RTTN: variants seen among roughly 807,000 people sequenced by gnomAD.
The protein encoded by RTTN is rotatin.
A neutral mutation model predicts 269.2 loss-of-function variants in RTTN; 182 were observed. The observed-to-expected ratio is 0.68, with a 90% CI of 0.60 to 0.76. The LOEUF is 0.76. Among genes scored for constraint, RTTN ranks in the 30% least tolerant of loss-of-function variants. RTTN has a pLI of 0.00. For synonymous variants in RTTN, 1,006 were observed against 963.5 expected, an observed-to-expected ratio of 1.04 and a Z score of -0.82; for missense variants, 2,545 against 2,608.6, an observed-to-expected ratio of 0.98 and a Z score of 0.53.
chr18:70,163,773 CT>C (rs1248903277), intron 14 of RTTN, among the ~76,000 whole-genome samples: 1 of 152,104 alleles, frequency 6.6e-6, no homozygotes, highest in Admixed American at 6.5e-5. Flanking sequence ...CGTGCATTTC[CT>C]TTAAGTGTCA....
At chr18:70,030,261 G>C (rs993218348) in intron 41 of RTTN, 152 bp from the exon 42 acceptor site, 37 of 566,208 alleles carry the variant, frequency 6.5e-5, no homozygotes, top group Non-Finnish European at 1.0e-4. Flanking sequence ...TGAATCAGAG[G>C]GGGGATAAGT....
chr18:70,197,604 CAATTAT>C lies in RTTN; in HGVS notation c.693+14_693+19del. On this transcript the variant is annotated intron_variant, in intron 6 of 48. Transcript: ENST00000640769. ...AAGTTCTCTAGTTCAAAATCTAAAA[CAATTAT>C]AGAGGGCACTGACCTGAACAATTTT... The C allele has an allele frequency of 6.7e-7, 1 of 1,484,464 alleles. No individual in the cohort carries two copies. The highest frequency in any genetic ancestry group is 9.4e-7 in the Non-Finnish European group (1 of 1,062,776). 92.0% of individuals were successfully genotyped at this position (1,484,464 alleles called of 1,614,324 possible). A position where few individuals can be genotyped will look rare whatever the true frequency, so the allele number is the denominator to read the frequency against.
In RTTN at chr18:70,150,703, G is replaced by A. The variant is rs2145795529; in HGVS notation, c.1960C>T (p.Pro654Ser). 6.2e-7 allele frequency: 1 copy of A among 1,606,932 alleles called. No individual in the cohort carries two copies. The change falls in exon 15 of 49, where the codon CCC becomes TCC. Residue 654 changes from proline (P) to serine (S), a missense_variant. Pro to Ser is a moderately conservative substitution (Grantham distance 74). Transcript: ENST00000640769. Reference sequence around the variant, plus strand: ...ATTCCATTGCAAAGTGAAGACACGGGTTTAGTGACATTATGGACACCTAAA... The same window carrying A: ...ATTCCATTGCAAAGTGAAGACACGGATTTAGTGACATTATGGACACCTAAA... Reference protein sequence around the residue: ...ECLGVHNVTKPVSSLCNGIHF... With the variant: ...ECLGVHNVTKSVSSLCNGIHF...
At position 70,156,489 on chromosome 18, in the gene RTTN, C is replaced by T. The variant is rs562878239; in HGVS notation, c.1930-5756G>A. 8.5e-5 allele frequency among the ~76,000 whole-genome samples: 13 copies of T among 152,272 alleles called. 1 individual carries two copies. Among genetic ancestry groups the T allele is most frequent in the South Asian group, 4.1e-4 (2 of 4,828 alleles). ...AATTTTAATTTTGCCTGCGGTCCTG[C>T]GGTCCTATGATCTCGCCCTGCCTCC... On this transcript the variant is annotated intron_variant, in intron 14 of 48. Coordinates refer to ENST00000640769, the MANE Select transcript of RTTN (RefSeq NM_173630.4).
At chr18:70,153,714 A>G (rs1202345830) in intron 14 of RTTN, among the ~76,000 whole-genome samples, 2 of 152,214 alleles carry the variant, frequency 1.3e-5, no homozygotes, top group Non-Finnish European at 2.9e-5. Flanking sequence ...TGACAGACAT[A>G]GCCAATTAAA....
At chr18:70,015,527 G>A (rs560739447) in intron 46 of RTTN, among the ~76,000 whole-genome samples, 12 of 152,216 alleles carry the variant, frequency 7.9e-5, no homozygotes, top group African/African-American at 2.2e-4. Context: ...AGTGGAAAGC[G>A]AGGCATAGGC....
At chr18:70,165,960 T>TATATCTCATACAAAAGGTCAAGTA in intron 14 of RTTN, 102 bp downstream of exon 14, 1 of 1,163,274 alleles carries the variant, frequency 8.6e-7, no homozygotes, top group Non-Finnish European at 1.2e-6. Context: ...ATATAGTTCT[T>TATATCTCATACAAAAGGTCAAGTA]ATATCTCATA....
At chr18:70,133,859 A>T (rs2060057060) in intron 23 of RTTN, among the ~76,000 whole-genome samples, 2 of 152,280 alleles carry the variant, frequency 1.3e-5, no homozygotes, top group East Asian at 3.9e-4. Context: ...ATATATGTCA[A>T]TAAAAACAAT....
intron 34 of RTTN, among the ~76,000 whole-genome samples, chr18:70,073,291 T>C (rs548333078): frequency 6.6e-6 from 1 of 152,050 alleles, no homozygotes; most frequent in East Asian, 1.9e-4. Flanking sequence ...AAAAAGCAAC[T>C]AATGCATGAA....
intron 23 of RTTN, chr18:70,130,564 T>C (rs1178680238): frequency 1.4e-5 from 2 of 147,378 alleles, no homozygotes; most frequent in African/African-American, 5.0e-5. Flanking sequence ...CCTTTATATG[T>C]GGGAGCTAAA....
At chr18:70,184,379 C>A (rs531529655) in intron 10 of RTTN, among the ~76,000 whole-genome samples, 33 of 152,028 alleles carry the variant, frequency 2.2e-4, no homozygotes, top group African/African-American at 7.2e-4. Flanking sequence ...CATGGTGAAA[C>A]CCTGTCTCTA....
chr18:70,205,678 G>C lies in RTTN; in HGVS notation c.-20C>G, dbSNP rs767675644. The C allele has an allele frequency of 6.2e-7, 1 of 1,613,948 alleles. No individual in the cohort carries two copies. The highest frequency in any genetic ancestry group is 1.3e-5 in the African/African-American group (1 of 74,902). On this transcript the variant is annotated 5_prime_UTR_variant, in exon 1 of 49. Transcript: ENST00000640769. ...GACCATCTCGTCCCGTCAATCTGCA[G>C]CCGCCGGAGAATTAAACTGCCGCGC...
At chr18:70,205,487 C>T (rs1374442686) in intron 1 of RTTN, 141 bp downstream of exon 1, 8 of 1,333,374 alleles carry the variant, frequency 6.0e-6, no homozygotes, top group Middle Eastern at 3.7e-4. Context: ...CGAGATGGGT[C>T]CCCGGGGGCT....
chr18:70,066,396 A>G (rs2058135201), intron 34 of RTTN, among the ~76,000 whole-genome samples: 1 of 152,236 alleles, frequency 6.6e-6, no homozygotes, highest in South Asian at 2.1e-4. Flanking sequence ...AAGGAAGAAC[A>G]CTAAAAAATT....
In RTTN at chr18:70,068,365, C is replaced by A. The variant is rs148846741; in HGVS notation, c.4654-2443G>T. On this transcript the variant is annotated intron_variant, in intron 34 of 48. Coordinates refer to ENST00000640769, the MANE Select transcript of RTTN (RefSeq NM_173630.4). ...CACGTCCTCATTTAGAGAAAAGGAC[C>A]ACAAGTTAAGGGATTTGTCTGAGTT... Among the ~76,000 whole-genome samples, 998 of 152,210 alleles carry A rather than the reference C, an allele frequency of 6.6e-3. 9 individuals carry two copies. The highest frequency in any genetic ancestry group is 9.1e-3 in the Non-Finnish European group (617 of 68,014).
At chr18:70,142,464 G>T (rs575623067) in intron 18 of RTTN, 77 bp from the exon 19 acceptor site, 2 of 834,798 alleles carry the variant, frequency 2.4e-6, no homozygotes, top group South Asian at 3.1e-5. Context: ...TATAGTTTGT[G>T]CCCTATGAAC....
In RTTN at chr18:70,092,187, T is replaced by A. The variant is rs2058867155; in HGVS notation, c.4066A>T (p.Ser1356Cys). Residue 1356 changes from serine to cysteine, a missense_variant, in exon 30 of 49, where the codon AGT becomes TGT. Ser to Cys is a moderately radical substitution (Grantham distance 112). Transcript: ENST00000640769. ...WMSLWFLPLG[S>C]HSEEHIPTQQ... The stretch of plus-strand genomic sequence containing the variant: ...GTAGGAATATGTTCTTCACTATGAC[T>A]ACCCAAAGGCAAGAACCAAAGTGAC... The A allele has an allele frequency of 6.2e-7, 1 of 1,612,960 alleles. No homozygotes were observed. The highest frequency in any genetic ancestry group is 1.3e-5 in the African/African-American group (1 of 74,860).
chr18:70,142,474 C>G, intron 18 of RTTN, 87 bp from the exon 19 acceptor site: 1 of 735,370 alleles, frequency 1.4e-6, no homozygotes, highest in Non-Finnish European at 2.3e-6. Flanking sequence ...GCCCTATGAA[C>G]AAAAGCTCAA....
At chr18:70,104,470 A>G (rs1410312138) in intron 28 of RTTN, among the ~76,000 whole-genome samples, 1 of 152,252 alleles carries the variant, frequency 6.6e-6, no homozygotes, top group East Asian at 1.9e-4. Flanking sequence ...GTTATTACCA[A>G]TCTTCTGAAG....
Sources: allele counts gnomAD v4.1 joint callset (sites outside exome capture counted in the v4.1 genomes callset), GRCh38; gene constraint gnomAD v4.1.1; transcripts MANE v1.5; gene names NCBI Gene and HGNC (gene_info 2026-07-23, HGNC 2026-07-21).